NBAS: variants seen among roughly 807,000 people sequenced by gnomAD.
NBAS encodes NBAS subunit of NRZ tethering complex.
Under a neutral mutation model 302.5 loss-of-function variants are expected in NBAS, and 219 were observed. The ratio of observed to expected loss-of-function variants is 0.72; its 90% CI spans 0.65 to 0.81. NBAS has a LOEUF of 0.81. Ranked by LOEUF, NBAS falls within the 30% of genes least tolerant of loss-of-function variation. NBAS has a pLI of 0.00. For synonymous variants in NBAS, 1,118 were observed against 1,021.6 expected (o/e 1.09, Z -1.80); for missense variants, 2,932 against 2,841.6 (o/e 1.03, Z -0.72).
At chr2:15,170,587 G>T (rs558554633) in intron 51 of NBAS, among the ~76,000 whole-genome samples, 9 of 152,196 alleles carry the variant, frequency 5.9e-5, no homozygotes, top group Non-Finnish European at 1.3e-4. Context: ...TGCTGGAAAC[G>T]CAGGGTGGGT....
At chr2:14,935,938 C>G in the NBAS span, among the ~76,000 whole-genome samples, 1 of 152,168 alleles carries the variant, frequency 6.6e-6, no homozygotes, top group Non-Finnish European at 1.5e-5. Context: ...GAGTATGGCA[C>G]CAAGCAGGAG....
the NBAS span, among the ~76,000 whole-genome samples, chr2:15,142,068 T>C: frequency 3.4e-4 from 52 of 152,204 alleles, 1 homozygote; most frequent in Non-Finnish European, 7.3e-5. Flanking sequence ...TCACTGAATA[T>C]GGAATACCCA....
chr2:15,452,730 C>T (rs1199401083), intron 21 of NBAS, among the ~76,000 whole-genome samples: 5 of 152,006 alleles, frequency 3.3e-5, no homozygotes, highest in African/African-American at 9.7e-5. Flanking sequence ...TGTAGAAGAA[C>T]ACAACTAGAA....
the NBAS span, among the ~76,000 whole-genome samples, chr2:15,051,347 G>A: frequency 6.6e-6 from 1 of 152,192 alleles, no homozygotes; most frequent in African/African-American, 2.4e-5. Context: ...AATGTGTGTG[G>A]AATTTATAGC....
At chr2:15,508,515 C>T (rs1558398971) in intron 10 of NBAS, among the ~76,000 whole-genome samples, 1 of 152,086 alleles carries the variant, frequency 6.6e-6, no homozygotes, top group Non-Finnish European at 1.5e-5. Context: ...TTCCTTTTTT[C>T]CTCAACCCTA....
In NBAS at chr2:15,406,113, A is replaced by AC. The variant is rs564807568; in HGVS notation, c.2938-3813_2938-3812insG. Among the ~76,000 whole-genome samples the AC allele has an allele frequency of 4.0e-3, 603 of 150,422 alleles. 12 individuals carry two copies. Among genetic ancestry groups the AC allele is most frequent in the African/African-American group, 0.013 (552 of 41,044 alleles). ...ATATACAATAACATGTAAAAAAAAAAAACAAAACAAAAAAACATGAGGAAA... is the reference window on the plus strand; with the variant it reads ...ATATACAATAACATGTAAAAAAAAAACAACAAAACAAAAAAACATGAGGAAA... On this transcript the variant is annotated intron_variant, in intron 25 of 51. Coordinates refer to ENST00000281513, the MANE Select transcript of NBAS (RefSeq NM_015909.4).
At chr2:15,132,225 C>G in the NBAS span, among the ~76,000 whole-genome samples, 3 of 152,228 alleles carry the variant, frequency 2.0e-5, no homozygotes, top group Non-Finnish European at 2.9e-5. Flanking sequence ...TACATCCAGA[C>G]AATGGAATGT....
the NBAS span, among the ~76,000 whole-genome samples, chr2:15,115,104 G>T: frequency 6.6e-6 from 1 of 152,148 alleles, no homozygotes; most frequent in African/African-American, 2.4e-5. Flanking sequence ...CTGTCTTCAT[G>T]AACTCTCTAT....
rs199840811 is a variant in NBAS, at chr2:15,458,846, ACT to A, written c.2339+2353_2339+2354del. Among the ~76,000 whole-genome samples, 1,162 of 147,494 alleles carry A rather than the reference ACT, an allele frequency of 7.9e-3. 19 individuals carry two copies. Among genetic ancestry groups the A allele is most frequent in the East Asian group, 0.059 (305 of 5,138 alleles). On this transcript the variant is annotated intron_variant, in intron 21 of 51. Coordinates refer to ENST00000281513, the MANE Select transcript of NBAS (RefSeq NM_015909.4). ...GAGAACAAAGGTTAATTTTAAAAAA[ACT>A]CTATTTTTTCCAAATGTGTTTGAAA...
rs1666788831 is a variant in NBAS at position 15,218,951 on chromosome 2, G to A, written c.6254C>T (p.Pro2085Leu). ...SVDKGEELVS[P>L]EDLLEWLRPF... The stretch of plus-strand genomic sequence containing the variant: ...CCGCAGCCACTCCAGCAGGTCCTCA[G>A]GTGAAACCAGCTCCTCACTGCAGGG... The change falls in exon 48 of 52, where the codon CCT (proline) becomes CTT (leucine). Residue 2085 changes from proline (P) to leucine (L), a missense_variant. Transcript: ENST00000281513. 1 of 1,614,128 alleles carries A rather than the reference G, an allele frequency of 6.2e-7. No homozygotes were observed.
At chr2:15,065,862 T>A in the NBAS span, among the ~76,000 whole-genome samples, 1 of 152,278 alleles carries the variant, frequency 6.6e-6, no homozygotes, top group South Asian at 2.1e-4. Context: ...AAAATCCCAA[T>A]GACATTTTTT....
At chr2:15,043,054 T>C in the NBAS span, among the ~76,000 whole-genome samples, 1 of 152,184 alleles carries the variant, frequency 6.6e-6, no homozygotes, top group African/African-American at 2.4e-5. Context: ...TCATGAGCCA[T>C]AGTTCTCCAA....
At chr2:14,946,603 A>C in the NBAS span, among the ~76,000 whole-genome samples, 2 of 152,214 alleles carry the variant, frequency 1.3e-5, no homozygotes, top group Non-Finnish European at 2.9e-5. Flanking sequence ...AAAGGACTTC[A>C]ACACCCCACT....
chr2:15,530,170 G>A (rs1463114684), intron 9 of NBAS, among the ~76,000 whole-genome samples: 3 of 152,072 alleles, frequency 2.0e-5, no homozygotes, highest in East Asian at 1.9e-4. Context: ...ATCAAAAGGA[G>A]TAAGTTAACA....
At chr2:15,410,139 T>C (rs1400678578) in intron 25 of NBAS, among the ~76,000 whole-genome samples, 2 of 152,222 alleles carry the variant, frequency 1.3e-5, no homozygotes, top group African/African-American at 2.4e-5. Flanking sequence ...TCTACATTAT[T>C]GACAATGCAT....
the NBAS span, among the ~76,000 whole-genome samples, chr2:15,022,060 G>A: frequency 6.6e-6 from 1 of 152,108 alleles, no homozygotes; most frequent in Non-Finnish European, 1.5e-5. Flanking sequence ...CCTGGGCAGG[G>A]GAAGAAGTTG....
chr2:14,896,799 C>T, the NBAS span, among the ~76,000 whole-genome samples: 1 of 152,248 alleles, frequency 6.6e-6, no homozygotes, highest in Non-Finnish European at 1.5e-5. Context: ...AACAAATCAC[C>T]GTGAACAACT....
At position 15,471,908 on chromosome 2, in the gene NBAS, C is replaced by A. The variant is rs578213586; in HGVS notation, c.1725+1314G>T. 4.6e-5 allele frequency among the ~76,000 whole-genome samples: 7 copies of A among 152,250 alleles called. No homozygotes were observed. In the East Asian group the frequency reaches 9.6e-4, roughly 21 times the overall value. ...ATTTTGCACTTCCCAGCCTCTAGAA[C>A]TAAGAGAAATAAATTTCTGCTGTTG... is the stretch of plus-strand genomic sequence containing the variant. On this transcript the variant is annotated intron_variant, in intron 16 of 51. Coordinates refer to ENST00000281513, the MANE Select transcript of NBAS (RefSeq NM_015909.4).
At chr2:15,404,841 C>T (rs1676333379) in intron 25 of NBAS, among the ~76,000 whole-genome samples, 1 of 152,070 alleles carries the variant, frequency 6.6e-6, no homozygotes, top group African/African-American at 2.4e-5. Flanking sequence ...ATTCAATGTC[C>T]TTGAGTCCAT....
Sources: allele counts gnomAD v4.1 joint callset (sites outside exome capture counted in the v4.1 genomes callset), GRCh38; gene constraint gnomAD v4.1.1; transcripts MANE v1.5; gene names NCBI Gene and HGNC (gene_info 2026-07-23, HGNC 2026-07-21).